The following EXOC5 variants were observed in gnomAD, a reference collection of about 807,000 sequenced individuals.
EXOC5 encodes SEC10-like 1.
Under a neutral mutation model 90.8 loss-of-function variants are expected in EXOC5, and 17 were observed. The ratio of observed to expected loss-of-function variants is 0.19; its 90% CI spans 0.13 to 0.28. The LOEUF (loss-of-function observed/expected upper bound fraction) is 0.28, where lower values mean the gene tolerates loss of function less well. EXOC5 is among the 10% of genes least tolerant of loss of function. The pLI is 1.00. For synonymous variants in EXOC5, 260 were observed against 270.0 expected (o/e 0.96, Z 0.36); for missense variants, 569 against 830.6 (o/e 0.69, Z 3.87).
At chr14:57,260,730 A>G (rs1594685375) in intron 1 of EXOC5, among the ~76,000 whole-genome samples, 1 of 152,170 alleles carries the variant, frequency 6.6e-6, no homozygotes, top group Admixed American at 6.5e-5. Context: ...CTTTCATCTC[A>G]TTTTTATAAA....
At chr14:57,259,286 A>T (rs1884433150) in intron 1 of EXOC5, among the ~76,000 whole-genome samples, 1 of 152,012 alleles carries the variant, frequency 6.6e-6, no homozygotes, top group African/African-American at 2.4e-5. Context: ...TTTAGTAGAG[A>T]TGGGGTTTTG....
Position 57,203,758 on chromosome 14 carries a change from CTT to C in EXOC5, c.*4849_*4850del, listed in dbSNP as rs1158202393. The C allele has an allele frequency of 6.6e-6, 1 of 152,512 alleles. No individual in the cohort carries two copies. Among genetic ancestry groups the C allele is most frequent in the Non-Finnish European group, 1.5e-5 (1 of 68,012 alleles). The allele number at this position is 152,512 out of a possible 1,614,324, so 9.4% of individuals were successfully genotyped here. A position where few individuals can be genotyped will look rare whatever the true frequency, so the allele number is the denominator to read the frequency against. ...AAAGTGGCTCAGTTGGATACTGTCT[CTT>C]AAACACAGTAATATAAATATTAGTA... is the stretch of plus-strand genomic sequence containing the variant. On this transcript the variant is annotated 3_prime_UTR_variant, in exon 18 of 18. Coordinates refer to ENST00000621441, the MANE Select transcript of EXOC5 (RefSeq NM_006544.4).
At chr14:57,220,205 C>T (rs1437224183) in intron 13 of EXOC5, among the ~76,000 whole-genome samples, 1 of 150,542 alleles carries the variant, frequency 6.6e-6, no homozygotes, top group Non-Finnish European at 1.5e-5. Flanking sequence ...TTTCCCTCCG[C>T]CCCCCCTGCC....
At chr14:57,217,827 A>G (rs923017082) in intron 15 of EXOC5, among the ~76,000 whole-genome samples, 155 bp downstream of exon 15, 2 of 152,166 alleles carry the variant, frequency 1.3e-5, no homozygotes, top group African/African-American at 4.8e-5. Flanking sequence ...CAACACTCTA[A>G]TAAGGATGAA....
At chr14:57,244,939 T>A (rs1332726676) in intron 3 of EXOC5, among the ~76,000 whole-genome samples, 1 of 148,150 alleles carries the variant, frequency 6.7e-6, no homozygotes. Flanking sequence ...GAGGTTGCAG[T>A]GAGCTGAGAT....
At chr14:57,265,825 TGAG>T (rs1386877349) in intron 1 of EXOC5, among the ~76,000 whole-genome samples, 1 of 152,214 alleles carries the variant, frequency 6.6e-6, no homozygotes, top group African/African-American at 2.4e-5. Context: ...ATGTCTATCC[TGAG>T]GAGATTTTAA....
Position 57,207,940 on chromosome 14 carries a change from A to G in EXOC5, c.*669T>C, listed in dbSNP as rs538513987. 1 of 152,280 alleles carries G rather than the reference A, an allele frequency of 6.6e-6. No homozygotes were observed. The highest frequency in any genetic ancestry group is 2.4e-5 in the African/African-American group (1 of 41,566). 9.4% of individuals were successfully genotyped at this position (152,280 alleles called of 1,614,324 possible). A position where few individuals can be genotyped will look rare whatever the true frequency, so the allele number is the denominator to read the frequency against. On this transcript the variant is annotated 3_prime_UTR_variant, in exon 18 of 18. Coordinates refer to ENST00000621441, the MANE Select transcript of EXOC5 (RefSeq NM_006544.4). ...AATAGTAAACTTTTAAGTTTTACCC[A>G]GAAAGCAGAAGTATTCCGATCCACT...
chr14:57,210,044 A>G lies in EXOC5; in HGVS notation c.1631T>C (p.Ile544Thr), dbSNP rs1391325756. The change falls in exon 16 of 18, where the codon ATT (isoleucine) becomes ACT (threonine). Residue 544 changes from isoleucine to threonine, a missense_variant. By Grantham distance (89) the Ile-to-Thr change is moderately conservative. Coordinates refer to ENST00000621441, the MANE Select transcript of EXOC5 (RefSeq NM_006544.4). ...AGCCAAAATATGCTTCATCTGTCCA[A>G]TCATACAATTTAATGTCCTAGAGAA... ...TGIDRTLNCMIGQMKHILAAE... is the reference protein window; with the variant it reads ...TGIDRTLNCMTGQMKHILAAE... 6.3e-7 allele frequency: 1 copy of G among 1,575,304 alleles called. No individual in the cohort carries two copies. The highest frequency in any genetic ancestry group is 1.3e-5 in the African/African-American group (1 of 74,226).
In EXOC5 at chr14:57,228,706, G is replaced by T. The variant is rs118074637; in HGVS notation, c.1296+1028C>A. Among the ~76,000 whole-genome samples, 10 of 151,784 alleles carry T rather than the reference G, an allele frequency of 6.6e-5. No individual in the cohort carries two copies. In the South Asian group the frequency reaches 1.7e-3, roughly 25 times the overall value. ...AACATCACACAGTGGGGCCTGTTGG[G>T]GGGGTGGGGGACTAAGGGAGGAATA... On this transcript the variant is annotated intron_variant, in intron 12 of 17. Coordinates refer to ENST00000621441, the MANE Select transcript of EXOC5 (RefSeq NM_006544.4).
In EXOC5 at chr14:57,255,179, T is replaced by C. The variant is rs190616135; in HGVS notation, c.28-7467A>G. On this transcript the variant is annotated intron_variant, in intron 1 of 17. Coordinates refer to ENST00000621441, the MANE Select transcript of EXOC5 (RefSeq NM_006544.4). ...TGCAAGGGGTCCTACTTACCAAGGC[T>C]GATCCAGCTACTGTGAAACCAAATA... Among the ~76,000 whole-genome samples the C allele has an allele frequency of 1.2e-4, 18 of 152,294 alleles. No individual in the cohort carries two copies. In the East Asian group the frequency reaches 2.9e-3, roughly 25 times the overall value.
chr14:57,230,909 AG>A (rs1487266256), intron 11 of EXOC5, among the ~76,000 whole-genome samples: 1 of 151,750 alleles, frequency 6.6e-6, no homozygotes, highest in East Asian at 1.9e-4. Flanking sequence ...TATTCTATCG[AG>A]AAAAAAAAAA....
In EXOC5 at chr14:57,233,772, T is replaced by C; in HGVS notation, c.826A>G (p.Ile276Val). 1 of 1,585,458 alleles carries C rather than the reference T, an allele frequency of 6.3e-7. No individual in the cohort carries two copies. The highest frequency in any genetic ancestry group is 8.7e-7 in the Non-Finnish European group (1 of 1,155,690). ...SNPETVLAKLIQNVFEIKLQS... is the reference protein window; with the variant it reads ...SNPETVLAKLVQNVFEIKLQS... ...AGTTTGATTTCAAATACATTTTGAATAAGTTTAGCCAGGACTGTTTCTGGA... is the reference window on the plus strand; with the variant it reads ...AGTTTGATTTCAAATACATTTTGAACAAGTTTAGCCAGGACTGTTTCTGGA... The change falls in exon 9 of 18, where the codon ATT becomes GTT. Residue 276 changes from isoleucine (I) to valine (V), a missense_variant. Ile to Val is a conservative substitution (Grantham distance 29). Transcript: ENST00000621441.
At chr14:57,231,786 A>G in intron 10 of EXOC5, 71 bp from the exon 11 acceptor site, 1 of 1,034,682 alleles carries the variant, frequency 9.7e-7, no homozygotes, top group Non-Finnish European at 1.4e-6. Context: ...AAGGAATACA[A>G]ATTTTTACAA....
At chr14:57,252,896 A>G (rs1156722052) in intron 1 of EXOC5, among the ~76,000 whole-genome samples, 1 of 152,208 alleles carries the variant, frequency 6.6e-6, no homozygotes, top group African/African-American at 2.4e-5. Context: ...GTGTCCATCA[A>G]TGGATGAATG....
At position 57,268,640 on chromosome 14, in the gene EXOC5, G is replaced by T; in HGVS notation, c.9C>A (p.Thr3=). The change falls in exon 1 of 18, where the codon ACC becomes ACA. Residue 3 remains threonine (T), a synonymous_variant. Transcript: ENST00000621441. MA[T]TAELFEEPFV... is the part of the protein sequence containing the mutation. The stretch of plus-strand genomic sequence containing the variant: ...GGCCCACCTCGAAGAGCTCGGCCGT[G>T]GTAGCCATCCCGGCCGGCTGAGAGG... 1 of 1,590,808 alleles carries T rather than the reference G, an allele frequency of 6.3e-7. No individual in the cohort carries two copies. Among genetic ancestry groups the T allele is most frequent in the South Asian group, 1.1e-5 (1 of 88,666 alleles).
At chr14:57,218,672 A>C (rs565249414) in intron 14 of EXOC5, among the ~76,000 whole-genome samples, 1 of 152,196 alleles carries the variant, frequency 6.6e-6, no homozygotes, top group East Asian at 1.9e-4. Context: ...TGATTCAGGG[A>C]TTACAAGTGA....
rs1483833358 is a variant in EXOC5, at chr14:57,207,631, C to T, written c.*978G>A. 6.6e-6 allele frequency: 1 copy of T among 152,072 alleles called. No homozygotes were observed. The highest frequency in any genetic ancestry group is 1.9e-4 in the East Asian group (1 of 5,194). 9.4% of individuals were successfully genotyped at this position (152,072 alleles called of 1,614,324 possible). On this transcript the variant is annotated 3_prime_UTR_variant, in exon 18 of 18. Coordinates refer to ENST00000621441, the MANE Select transcript of EXOC5 (RefSeq NM_006544.4). ...TCTCCAAATCTATCAATTCTCAATT[C>T]TTCTTAAAATAAAAGACTAACCACA...
intron 1 of EXOC5, among the ~76,000 whole-genome samples, chr14:57,255,152 A>T (rs906492343): frequency 2.0e-5 from 3 of 152,126 alleles, no homozygotes; most frequent in South Asian, 2.1e-4. Context: ...CATGGCCCCA[A>T]CTGCAAGGGG....
In EXOC5 at chr14:57,229,188, TAA is replaced by T. The variant is rs142208373; in HGVS notation, c.1296+544_1296+545del. On this transcript the variant is annotated intron_variant, in intron 12 of 17. Coordinates refer to ENST00000621441, the MANE Select transcript of EXOC5 (RefSeq NM_006544.4). ...AAATTTGATCTGCTCAACTTTAATT[TAA>T]AGTTATATTCACATTTATTCCTAAT... Among the ~76,000 whole-genome samples, 860 of 152,290 alleles carry T rather than the reference TAA, an allele frequency of 5.6e-3. 8 individuals carry two copies. The highest frequency in any genetic ancestry group is 0.02 in the African/African-American group (823 of 41,560).
Sources: allele counts gnomAD v4.1 joint callset (sites outside exome capture counted in the v4.1 genomes callset), GRCh38; gene constraint gnomAD v4.1.1; transcripts MANE v1.5; gene names NCBI Gene and HGNC (gene_info 2026-07-23, HGNC 2026-07-21).